Variants in NME7 observed in about 807,000 individuals in gnomAD.
The protein encoded by NME7 is NME/NM23 family member 7.
A neutral mutation model predicts 49.1 loss-of-function variants in NME7; 41 were observed. The observed-to-expected ratio is 0.83, with a 90% CI of 0.65 to 1.08. The LOEUF is 1.08. Ranked by LOEUF, NME7 falls within the 50% of genes least tolerant of loss-of-function variation. The pLI is 0.00. For missense variants in NME7, 423 were observed against 463.4 expected, an observed-to-expected ratio of 0.91 and a Z score of 0.80; for synonymous variants, 139 against 150.6, an observed-to-expected ratio of 0.92 and a Z score of 0.56.
At chr1:169,163,279 C>A (rs1659302116) in intron 11 of NME7, among the ~76,000 whole-genome samples, 1 of 151,018 alleles carries the variant, frequency 6.6e-6, no homozygotes, top group Non-Finnish European at 1.5e-5. Flanking sequence ...TTTTCATAGA[C>A]AAGGGGGAGC....
chr1:169,199,297 A>G, intron 10 of NME7, among the ~76,000 whole-genome samples: 1 of 151,964 alleles, frequency 6.6e-6, no homozygotes, highest in South Asian at 2.1e-4. Flanking sequence ...ATTCTTCACA[A>G]TAATAATTCC....
At chr1:169,225,258 G>A (rs530305560) in intron 10 of NME7, among the ~76,000 whole-genome samples, 10 of 152,128 alleles carry the variant, frequency 6.6e-5, no homozygotes, top group Admixed American at 4.6e-4. Context: ...ACAGGTGCCC[G>A]CCACCATGCC....
chr1:169,337,016 G>C (rs998051598), intron 1 of NME7, among the ~76,000 whole-genome samples: 2 of 152,272 alleles, frequency 1.3e-5, no homozygotes, highest in African/African-American at 2.4e-5. Flanking sequence ...GCTTCACCCA[G>C]TGGATCCCGC....
At chr1:169,328,943 C>T (rs1652161811) in intron 1 of NME7, among the ~76,000 whole-genome samples, 1 of 152,098 alleles carries the variant, frequency 6.6e-6, no homozygotes, top group Non-Finnish European at 1.5e-5. Flanking sequence ...GCCAAGATTG[C>T]AGACTACAGT....
intron 10 of NME7, among the ~76,000 whole-genome samples, chr1:169,217,581 A>G (rs1318078452): frequency 1.3e-5 from 2 of 152,184 alleles, no homozygotes; most frequent in Admixed American, 1.3e-4. Context: ...GATAGTGCTG[A>G]CTGAAAACTA....
At chr1:169,340,898 C>T (rs908303191) in intron 1 of NME7, among the ~76,000 whole-genome samples, 2 of 151,168 alleles carry the variant, frequency 1.3e-5, no homozygotes, top group African/African-American at 4.9e-5. Context: ...AGCATTCAGT[C>T]AGATGTATTC....
rs35019256 is a variant in NME7, at chr1:169,342,887, C to T, written c.4-18387G>A. ...CAAGTACATATATATAGTATATATA[C>T]ATATATACAAGTACATATATATAGT... is the stretch of plus-strand genomic sequence containing the variant. On this transcript the variant is annotated intron_variant, in intron 1 of 11. Coordinates refer to ENST00000367811, the MANE Select transcript of NME7 (RefSeq NM_013330.5). Among the ~76,000 whole-genome samples the T allele has an allele frequency of 2.5e-3, 55 of 22,026 alleles. 1 individual carries two copies. The highest frequency in any genetic ancestry group is 4.4e-3 in the Non-Finnish European group (38 of 8,700). 14.4% of individuals were successfully genotyped at this position (22,026 alleles called of 152,430 possible).
At chr1:169,318,680 T>C (rs1651744741) in intron 3 of NME7, among the ~76,000 whole-genome samples, 2 of 152,234 alleles carry the variant, frequency 1.3e-5, no homozygotes, top group African/African-American at 2.4e-5. Context: ...CTTAAACATA[T>C]GGTTTTACAG....
intron 1 of NME7, among the ~76,000 whole-genome samples, chr1:169,334,956 T>C (rs1473550106): frequency 1.3e-5 from 2 of 151,864 alleles, no homozygotes; most frequent in Admixed American, 1.3e-4. Context: ...CCAACAAACA[T>C]GAAAAAAAGC....
intron 7 of NME7, chr1:169,247,206 C>A (rs1648361456): frequency 2.5e-6 from 1 of 395,596 alleles, no homozygotes. Context: ...AAACTGAAAA[C>A]TGTGTAAGAT....
intron 7 of NME7, among the ~76,000 whole-genome samples, chr1:169,257,290 G>C (rs1648988373): frequency 7.4e-6 from 1 of 134,784 alleles, no homozygotes; most frequent in South Asian, 2.3e-4. Flanking sequence ...AAGCCTGTCA[G>C]AAAAGCGCAG....
chr1:169,314,481 G>T (rs188207527), intron 3 of NME7, among the ~76,000 whole-genome samples: 226 of 151,970 alleles, frequency 1.5e-3, no homozygotes, highest in Middle Eastern at 0.01. Flanking sequence ...CAAGCAATCC[G>T]AACAATCAAA....
Position 169,132,828 on chromosome 1 carries a change from G to GAAAC in NME7, c.1099-15_1099-12dup. On this transcript the variant is annotated splice_polypyrimidine_tract_variant and intron_variant, in intron 11 of 11. Transcript: ENST00000367811. Reference sequence around the variant, plus strand: ...GAAGAAGTATTGAACCTGAAACGGAGAAACACATAATTTCTTAGTTCAGAC... The same window carrying GAAAC: ...GAAGAAGTATTGAACCTGAAACGGAGAAACAAACACATAATTTCTTAGTTCAGAC... 1.2e-6 allele frequency: 2 copies of GAAAC among 1,612,432 alleles called. No individual in the cohort carries two copies. The highest frequency in any genetic ancestry group is 1.1e-5 in the South Asian group (1 of 90,788).
At chr1:169,280,740 G>C (rs1649974805) in intron 7 of NME7, among the ~76,000 whole-genome samples, 1 of 147,706 alleles carries the variant, frequency 6.8e-6, no homozygotes. Flanking sequence ...GTGTGTGTCA[G>C]GTTTGTCAAA....
At chr1:169,344,117 C>G (rs941093615) in intron 1 of NME7, among the ~76,000 whole-genome samples, 1 of 152,140 alleles carries the variant, frequency 6.6e-6, no homozygotes, top group African/African-American at 2.4e-5. Flanking sequence ...GTGTACAATT[C>G]TTTCAGTTAT....
intron 11 of NME7, among the ~76,000 whole-genome samples, chr1:169,150,652 T>C (rs769682853): frequency 2.6e-5 from 4 of 151,936 alleles, no homozygotes; most frequent in Non-Finnish European, 5.9e-5. Context: ...ATTAACCAGC[T>C]AACTTTTGCC....
At chr1:169,259,988 C>T (rs1464764255) in intron 7 of NME7, among the ~76,000 whole-genome samples, 5 of 133,394 alleles carry the variant, frequency 3.7e-5, no homozygotes, top group Admixed American at 7.3e-5. Flanking sequence ...TCTTCAATAA[C>T]CACCATGAAA....
intron 5 of NME7, 194 bp downstream of exon 5, chr1:169,302,951 T>TA (rs1396739711): frequency 2.7e-6 from 1 of 372,314 alleles, no homozygotes; most frequent in Non-Finnish European, 4.9e-6. Context: ...TTAAGATTTT[T>TA]AATGATAAAA....
chr1:169,352,267 G>A (rs914619590), intron 1 of NME7, among the ~76,000 whole-genome samples: 4 of 152,072 alleles, frequency 2.6e-5, no homozygotes, highest in African/African-American at 9.7e-5. Context: ...TGCAGGGATG[G>A]TACAACACAT....
Sources: gnomAD v4.1 joint callset for allele counts (sites outside exome capture counted in the v4.1 genomes callset) on GRCh38, gnomAD v4.1.1 for gene constraint, MANE v1.5 for transcripts, NCBI Gene and HGNC (gene_info 2026-07-23, HGNC 2026-07-21) for gene names.